JAK2: variants seen among roughly 807,000 people sequenced by gnomAD.
JAK2 encodes the protein tyrosine-protein kinase JAK2.
Under a neutral mutation model 139.3 loss-of-function variants are expected in JAK2, and 86 were observed. The observed-to-expected ratio is 0.62, with a 90% CI of 0.52 to 0.74. JAK2 has a LOEUF of 0.74. Among genes scored for constraint, JAK2 ranks in the 30% least tolerant of loss-of-function variants. JAK2 has a pLI of 0.00. For missense variants in JAK2, 1,421 were observed against 1,360.3 expected (o/e 1.04, Z -0.70); for synonymous variants, 490 against 437.7 (o/e 1.12, Z -1.49).
chr9:5,073,644 C>T (rs965655748), intron 13 of JAK2, 54 bp from the exon 14 acceptor site: 1 of 1,305,680 alleles, frequency 7.7e-7, no homozygotes, highest in East Asian at 2.3e-5. Context: ...ATTTTCTGAA[C>T]TATTTATGGA....
chr9:5,076,731 C>T (rs1007768009), intron 14 of JAK2, among the ~76,000 whole-genome samples: 3 of 151,872 alleles, frequency 2.0e-5, no homozygotes, highest in African/African-American at 7.3e-5. Flanking sequence ...TATATAATTC[C>T]CTATTTTCCA....
At chr9:5,057,525 A>G (rs1817848119) in intron 8 of JAK2, among the ~76,000 whole-genome samples, 1 of 151,800 alleles carries the variant, frequency 6.6e-6, no homozygotes, top group Admixed American at 6.5e-5. Context: ...CACCCATTAA[A>G]TAAAAACTCA....
chr9:4,995,128 A>G (rs1820486615), intron 2 of JAK2, among the ~76,000 whole-genome samples: 1 of 152,324 alleles, frequency 6.6e-6, no homozygotes, highest in South Asian at 2.1e-4. Flanking sequence ...TTGAGACGTG[A>G]AAAATAGAAT....
intron 4 of JAK2, among the ~76,000 whole-genome samples, chr9:5,035,259 A>G (rs1172131722): frequency 1.3e-5 from 2 of 152,214 alleles, no homozygotes; most frequent in Non-Finnish European, 2.9e-5. Flanking sequence ...CCAACCAAAA[A>G]AAGTCCAGGA....
At chr9:5,108,550 T>A (rs1372876790) in intron 22 of JAK2, 1 of 152,082 alleles carries the variant, frequency 6.6e-6, no homozygotes, top group Admixed American at 6.5e-5. Flanking sequence ...ATAACTCTAT[T>A]CGGACTTCAC....
chr9:5,058,575 T>G (rs917685013), intron 8 of JAK2, among the ~76,000 whole-genome samples: 2 of 152,162 alleles, frequency 1.3e-5, no homozygotes, highest in Non-Finnish European at 2.9e-5. Flanking sequence ...TACCTAGAAG[T>G]AGAATTGCTG....
At chr9:5,120,838 G>A (rs1823561454) in intron 22 of JAK2, among the ~76,000 whole-genome samples, 1 of 152,132 alleles carries the variant, frequency 6.6e-6, no homozygotes, top group Non-Finnish European at 1.5e-5. Flanking sequence ...AAATTGAGCA[G>A]CTAAATAGAT....
chr9:5,052,252 T>C (rs1263078335), intron 6 of JAK2, among the ~76,000 whole-genome samples: 1 of 152,142 alleles, frequency 6.6e-6, no homozygotes, highest in Non-Finnish European at 1.5e-5. Context: ...GATTGTAGTT[T>C]CTTCCAGTTT....
At chr9:5,053,831 A>G (rs1817582481) in intron 6 of JAK2, among the ~76,000 whole-genome samples, 1 of 151,986 alleles carries the variant, frequency 6.6e-6, no homozygotes, top group Non-Finnish European at 1.5e-5. Flanking sequence ...CCTGGATTAG[A>G]TGGTACTTGA....
chr9:5,096,339 C>G (rs562443563), intron 22 of JAK2, among the ~76,000 whole-genome samples: 1 of 152,034 alleles, frequency 6.6e-6, no homozygotes, highest in South Asian at 2.1e-4. Context: ...TGTAACAAAC[C>G]CAAGGACTGC....
At chr9:4,991,307 C>T (rs1320642086) in intron 2 of JAK2, among the ~76,000 whole-genome samples, 1 of 152,044 alleles carries the variant, frequency 6.6e-6, no homozygotes, top group East Asian at 1.9e-4. Flanking sequence ...TTTGATCTTC[C>T]CAAGAACATT....
intron 22 of JAK2, among the ~76,000 whole-genome samples, chr9:5,105,200 C>G (rs1821852051): frequency 6.6e-6 from 1 of 152,224 alleles, no homozygotes; most frequent in Non-Finnish European, 1.5e-5. Flanking sequence ...TGGTAAGCAA[C>G]TTCAGCAAAG....
intron 23 of JAK2, 83 bp downstream of exon 23, chr9:5,123,204 C>G (rs1274030970): frequency 1.2e-6 from 1 of 861,538 alleles, no homozygotes; most frequent in African/African-American, 1.7e-5. Context: ...TACAATTTTG[C>G]TACATGCATA....
At chr9:5,057,065 T>A (rs898389244) in intron 8 of JAK2, among the ~76,000 whole-genome samples, 10 of 152,202 alleles carry the variant, frequency 6.6e-5, no homozygotes, top group Non-Finnish European at 1.5e-4. Flanking sequence ...CTTTCTCATA[T>A]TAAATTTTTT....
chr9:5,018,541 G>T (rs1030062108), intron 2 of JAK2, among the ~76,000 whole-genome samples: 7 of 152,216 alleles, frequency 4.6e-5, no homozygotes, highest in Middle Eastern at 3.4e-3. Flanking sequence ...GTTTTGCCAT[G>T]TTGTCCAGGC....
At chr9:5,088,901 T>C (rs1301055269) in intron 19 of JAK2, among the ~76,000 whole-genome samples, 2 of 152,194 alleles carry the variant, frequency 1.3e-5, no homozygotes, top group Admixed American at 6.5e-5. Flanking sequence ...AATACAGTCA[T>C]ATTGGGGGTT....
chr9:5,041,281 G>GT lies in JAK2; in HGVS notation c.351-3121dup, dbSNP rs1169449311. 6 of 1,079,444 alleles carry GT rather than the reference G, an allele frequency of 5.6e-6. No individual in the cohort carries two copies. The African/African-American group carries it at 9.3e-5, about 17-fold the overall frequency. 66.9% of individuals were successfully genotyped at this position (1,079,444 alleles called of 1,614,324 possible). A position where few individuals can be genotyped will look rare whatever the true frequency, so the allele number is the denominator to read the frequency against. ...TCATCGACCTCGGGCTGGCCAAGGG[G>GT]TACACTGGTCTCAGGACCAAGAAGC... On this transcript the variant is annotated intron_variant, in intron 4 of 24. Transcript: ENST00000381652.
intron 2 of JAK2, among the ~76,000 whole-genome samples, chr9:4,987,885 G>A (rs982344097): frequency 1.3e-5 from 2 of 152,156 alleles, no homozygotes; most frequent in African/African-American, 2.4e-5. Flanking sequence ...CTACTATCAC[G>A]GCTGGGAGGC....
rs1292668296 is a variant in JAK2 at position 5,065,177 on chromosome 9, A to G, written c.1214+137A>G. The stretch of plus-strand genomic sequence containing the variant: ...TTTTTTAAACAAAAGGCTATTTGCA[A>G]TCAGATTACATAATAATTAGAATTA... On this transcript the variant is annotated intron_variant, in intron 9 of 24. Coordinates refer to ENST00000381652, the MANE Select transcript of JAK2 (RefSeq NM_004972.4). 9 of 463,854 alleles carry G rather than the reference A, an allele frequency of 1.9e-5. No individual in the cohort carries two copies. In the East Asian group the frequency reaches 2.7e-4, roughly 14 times the overall value. The allele number at this position is 463,854 out of a possible 1,614,324, so 28.7% of individuals were successfully genotyped here. A position where few individuals can be genotyped will look rare whatever the true frequency, so the allele number is the denominator to read the frequency against.
Sources: gnomAD v4.1 joint callset for allele counts (sites outside exome capture counted in the v4.1 genomes callset) on GRCh38, gnomAD v4.1.1 for gene constraint, MANE v1.5 for transcripts, NCBI Gene and HGNC (gene_info 2026-07-23, HGNC 2026-07-21) for gene names.